CDH23: variants seen among roughly 807,000 people sequenced by gnomAD.
CDH23 encodes the protein cadherin related 23.
In CDH23, 189 loss-of-function variants were observed where a neutral mutation model predicts 317.1. That is an observed-to-expected ratio of 0.60 (90% CI 0.53 to 0.67). The LOEUF (loss-of-function observed/expected upper bound fraction) is 0.67. CDH23 is among the 30% of genes least tolerant of loss of function. The pLI is 0.00. For missense variants in CDH23, 4,401 were observed against 4,592.4 expected, an observed-to-expected ratio of 0.96 and a Z score of 1.20; for synonymous variants, 1,839 against 1,876.8, an observed-to-expected ratio of 0.98 and a Z score of 0.52.
intron 38 of CDH23, chr10:71,761,896 C>T (rs374090338): frequency 5.3e-5 from 86 of 1,614,138 alleles, no homozygotes; most frequent in Admixed American, 5.2e-4. Context: ...TGCGGTACCA[C>T]GTCTTGTAGA....
rs1287792582 is a variant in CDH23, at chr10:71,799,142, C to T, written c.7086C>T (p.Tyr2362=). ...TCATTGCCAACCGGACAGTGGACTA[C>T]GAGGAGGTGCACTGGCTCAACTTTA... ...GKVIANRTVD[Y]EEVHWLNFTV... The change falls in exon 51 of 70, where the codon TAC becomes TAT. Residue 2362 remains tyrosine, a synonymous_variant. Transcript: ENST00000224721. 20 of 1,613,884 alleles carry T rather than the reference C, an allele frequency of 1.2e-5. No homozygotes were observed. Among genetic ancestry groups the T allele is most frequent in the Admixed American group, 1.7e-5 (1 of 60,004 alleles).
intron 34 of CDH23, among the ~76,000 whole-genome samples, chr10:71,736,875 T>C (rs911354214): frequency 1.3e-4 from 20 of 152,112 alleles, no homozygotes; most frequent in African/African-American, 4.6e-4. Flanking sequence ...TATAATAAGG[T>C]GTCAGGGAAC....
chr10:71,716,199 G>A (rs1383956042), intron 28 of CDH23: 2 of 1,551,234 alleles, frequency 1.3e-6, no homozygotes, highest in South Asian at 1.2e-5. Flanking sequence ...GCCAGCAGGA[G>A]GAAGATGCAG....
In CDH23 at chr10:71,799,288, G is replaced by A. The variant is rs751915326; in HGVS notation, c.7224+8G>A. 1.9e-6 allele frequency: 3 copies of A among 1,613,920 alleles called. No homozygotes were observed. The highest frequency in any genetic ancestry group is 2.7e-5 in the African/African-American group (2 of 74,942). On this transcript the variant is annotated splice_region_variant and intron_variant, in intron 51 of 69. Transcript: ENST00000224721. ...GACCAGCCCTCCTACCAGGTGGGTG[G>A]CCAGGCCACAGGCTGGGTCCAGGAC...
At chr10:71,645,754 C>T (rs1862815475) in intron 12 of CDH23, 77 bp from the exon 13 acceptor site, 2 of 1,530,046 alleles carry the variant, frequency 1.3e-6, no homozygotes, top group Admixed American at 1.8e-5. Context: ...TCTCCAGGAG[C>T]CTCTGCTCCT....
intron 38 of CDH23, among the ~76,000 whole-genome samples, chr10:71,744,586 A>G (rs1433530671): frequency 6.6e-6 from 1 of 152,108 alleles, no homozygotes. Context: ...CCCCTTGGGG[A>G]GCATAAGCAT....
Position 71,791,232 on chromosome 10 carries a change from C to T in CDH23, c.6150C>T (p.Asn2050=). The T allele has an allele frequency of 6.2e-7, 1 of 1,613,792 alleles. No individual in the cohort carries two copies. The highest frequency in any genetic ancestry group is 8.5e-7 in the Non-Finnish European group (1 of 1,179,792). ...LLLAEDIGLL[N]STAHLLITIL... ...TGGCTGAGGACATCGGGCTGCTCAACAGCACGGCCCACCTGCTCATCACCA... is the reference window on the plus strand; with the variant it reads ...TGGCTGAGGACATCGGGCTGCTCAATAGCACGGCCCACCTGCTCATCACCA... The change falls in exon 47 of 70, where the codon AAC becomes AAT. Residue 2050 remains asparagine, a synonymous_variant. Transcript: ENST00000224721.
chr10:71,769,647 CAA>C, intron 38 of CDH23, among the ~76,000 whole-genome samples: 1 of 152,268 alleles, frequency 6.6e-6, no homozygotes, highest in East Asian at 1.9e-4. Flanking sequence ...ATTGCACAGA[CAA>C]AGGGGAAGTG....
intron 14 of CDH23, among the ~76,000 whole-genome samples, chr10:71,667,390 G>A (rs769716251): frequency 0.17 from 25,876 of 147,970 alleles, 2,745 homozygotes; most frequent in Non-Finnish European, 0.23. Context: ...GTGTGTGTGT[G>A]TGTGTGCGCG....
At chr10:71,531,919 T>C (rs567095544) in intron 6 of CDH23, among the ~76,000 whole-genome samples, 1 of 152,248 alleles carries the variant, frequency 6.6e-6, no homozygotes, top group African/African-American at 2.4e-5. Context: ...GCTCACAAAT[T>C]TGATTTTCTA....
chr10:71,811,979 T>C lies in CDH23; in HGVS notation c.9344T>C (p.Met3115Thr). 6.4e-7 allele frequency: 1 copy of C among 1,552,170 alleles called. No individual in the cohort carries two copies. ...SAGNRGFIDI[M>T]DMPNTNKYSF... ...GGGAATCGTGGCTTCATCGACATCA[T>C]GGACATGCCTAACACCAACAAGTAC... Residue 3115 changes from methionine to threonine, a missense_variant, in exon 66 of 70, where the codon ATG becomes ACG. Met to Thr is a moderately conservative substitution (Grantham distance 81). Coordinates refer to ENST00000224721, the MANE Select transcript of CDH23 (RefSeq NM_022124.6).
chr10:71,753,135 A>G, intron 38 of CDH23: 1 of 1,041,548 alleles, frequency 9.6e-7, no homozygotes, highest in Non-Finnish European at 1.4e-6. Flanking sequence ...TCCGGACTCC[A>G]TTTCTTTTCA....
At chr10:71,446,221 C>T (rs1850158180) in intron 2 of CDH23, 97 bp from the exon 3 acceptor site, 2 of 1,162,306 alleles carry the variant, frequency 1.7e-6, no homozygotes, top group African/African-American at 1.5e-5. Context: ...TGGACACAGG[C>T]TCAGTGCCCA....
intron 9 of CDH23, among the ~76,000 whole-genome samples, chr10:71,609,016 G>C (rs180782370): frequency 6.6e-6 from 1 of 152,108 alleles, no homozygotes; most frequent in African/African-American, 2.4e-5. Context: ...ACTGCTTTTC[G>C]CCCAGACCCA....
intron 3 of CDH23, among the ~76,000 whole-genome samples, chr10:71,509,390 G>C (rs1020258400): frequency 2.0e-5 from 3 of 152,254 alleles, no homozygotes; most frequent in African/African-American, 7.2e-5. Context: ...GAGAAGTCCA[G>C]AGGATGGAGC....
Position 71,599,394 on chromosome 10 carries a change from A to G in CDH23, c.833-16110A>G, listed in dbSNP as rs559644027. On this transcript the variant is annotated intron_variant, in intron 9 of 69. Transcript: ENST00000224721. Reference sequence around the variant, plus strand: ...GAATGTGGACTGTGTCTTAGGTGACATTGAGGAATCATTTATTTTATTTAG... The same window carrying G: ...GAATGTGGACTGTGTCTTAGGTGACGTTGAGGAATCATTTATTTTATTTAG... Among the ~76,000 whole-genome samples, 26 of 152,262 alleles carry G rather than the reference A, an allele frequency of 1.7e-4. No individual in the cohort carries two copies. The South Asian group carries it at 2.3e-3, about 13-fold the overall frequency.
At chr10:71,581,287 G>A (rs1321173593) in intron 9 of CDH23, among the ~76,000 whole-genome samples, 1 of 152,242 alleles carries the variant, frequency 6.6e-6, no homozygotes, top group Non-Finnish European at 1.5e-5. Flanking sequence ...CTTTGTAGGG[G>A]GTGGGCAGAG....
chr10:71,797,323 A>C (rs940736416), intron 49 of CDH23, 103 bp downstream of exon 49: 1 of 765,422 alleles, frequency 1.3e-6, no homozygotes, highest in Non-Finnish European at 2.2e-6. Flanking sequence ...GGGAGCAACA[A>C]GACCCAGTTG....
At chr10:71,427,009 G>A (rs1849105818) in intron 1 of CDH23, among the ~76,000 whole-genome samples, 1 of 151,834 alleles carries the variant, frequency 6.6e-6, no homozygotes, top group African/African-American at 2.4e-5. Context: ...AAATTAGCTA[G>A]GCATAGTGGC....
Sources: gnomAD v4.1 joint callset for allele counts (sites outside exome capture counted in the v4.1 genomes callset) on GRCh38, gnomAD v4.1.1 for gene constraint, MANE v1.5 for transcripts, NCBI Gene and HGNC (gene_info 2026-07-23, HGNC 2026-07-21) for gene names.